Variants in JADE3 observed in about 807,000 individuals in gnomAD.
JADE3 encodes the protein protein Jade-3.
A neutral mutation model predicts 50.1 loss-of-function variants in JADE3; 2 were observed. The observed-to-expected ratio is 0.04, with a 90% confidence interval of 0.02 to 0.13. The LOEUF (loss-of-function observed/expected upper bound fraction) is 0.13, where lower values mean the gene tolerates loss of function less well. JADE3 is among the 10% of genes least tolerant of loss of function. JADE3 has a pLI of 1.00. For synonymous variants in JADE3, 218 were observed against 232.9 expected (o/e 0.94, Z 0.58); for missense variants, 475 against 634.4 (o/e 0.75, Z 2.70).
At chrX:47,049,792 C>T (rs1455096440) in intron 8 of JADE3, among the ~76,000 whole-genome samples, 9 of 82,690 alleles carry the variant, frequency 1.1e-4, no homozygotes, top group Admixed American at 2.9e-4. Context: ...GAGGGAGTCT[C>T]GCCCTGTCGT....
Position 47,024,841 on chromosome X carries a change from T to C in JADE3, c.402T>C (p.Ser134=). The C allele has an allele frequency of 8.3e-7, 1 of 1,201,195 alleles. No homozygotes were observed. The highest frequency in any genetic ancestry group is 1.1e-6 in the Non-Finnish European group (1 of 885,877). The part of the protein sequence containing the change: ...GYINIMELAA[S]VCRYDLDDMD... ...TCAACATCATGGAGTTGGCAGCATC[T>C]GTTTGCCGCTATGACCTAGATGACA... The change falls in exon 5 of 11, where the codon TCT becomes TCC. Residue 134 remains serine, a synonymous_variant. Transcript: ENST00000614628.
intron 3 of JADE3, among the ~76,000 whole-genome samples, chrX:46,991,247 G>A (rs1223340552): frequency 9.4e-6 from 1 of 106,910 alleles, no homozygotes; most frequent in African/African-American, 3.4e-5. Flanking sequence ...ACCATGCCTG[G>A]CTAATTTTGT....
chrX:46,949,781 T>A (rs1926963812), intron 1 of JADE3, among the ~76,000 whole-genome samples: 1 of 111,961 alleles, frequency 8.9e-6, no homozygotes, highest in Non-Finnish European at 1.9e-5. Flanking sequence ...CACCATATAG[T>A]TTTTCCTATG....
At chrX:46,997,487 C>T (rs1279773168) in intron 3 of JADE3, among the ~76,000 whole-genome samples, 1 of 111,843 alleles carries the variant, frequency 8.9e-6, no homozygotes, top group Admixed American at 9.5e-5. Flanking sequence ...TATCGCACTC[C>T]AGCCTAGGTA....
chrX:47,002,452 A>C (rs1324325097), intron 4 of JADE3, among the ~76,000 whole-genome samples: 2 of 111,464 alleles, frequency 1.8e-5, no homozygotes, highest in East Asian at 5.5e-4. Flanking sequence ...GGATTATATT[A>C]AACCTTTATC....
At chrX:46,979,032 C>T (rs782581020) in intron 1 of JADE3, among the ~76,000 whole-genome samples, 1 of 112,195 alleles carries the variant, frequency 8.9e-6, no homozygotes, top group South Asian at 3.7e-4. Context: ...GGACTTTAAA[C>T]AGCCCATACC....
chrX:46,922,599 T>A (rs1926246899), intron 1 of JADE3, among the ~76,000 whole-genome samples: 1 of 111,143 alleles, frequency 9.0e-6, no homozygotes, highest in Admixed American at 9.6e-5. Context: ...TCAAGCTCAC[T>A]GAGTCTTTCC....
At chrX:47,048,314 CT>C (rs34469386) in intron 8 of JADE3, among the ~76,000 whole-genome samples, 2 of 110,280 alleles carry the variant, frequency 1.8e-5, no homozygotes, top group African/African-American at 6.6e-5. Flanking sequence ...AACAGCCAAA[CT>C]TTTTTTTTAG....
intron 1 of JADE3, among the ~76,000 whole-genome samples, chrX:46,924,442 C>G (rs1392473303): frequency 2.7e-5 from 3 of 112,281 alleles, no homozygotes; most frequent in African/African-American, 9.7e-5. Context: ...GACCTCAGTT[C>G]TGTCATATTG....
chrX:46,961,628 T>C (rs1189080439), intron 1 of JADE3, among the ~76,000 whole-genome samples: 1 of 111,903 alleles, frequency 8.9e-6, no homozygotes, highest in African/African-American at 3.2e-5. Flanking sequence ...GACTGTGCAA[T>C]AATTTTCTTT....
chrX:47,044,967 A>T (rs1365951770), intron 8 of JADE3, among the ~76,000 whole-genome samples: 1 of 111,999 alleles, frequency 8.9e-6, no homozygotes, highest in Non-Finnish European at 1.9e-5. Flanking sequence ...AAGTTAAGAC[A>T]TACCACCTGA....
At chrX:46,912,313 G>A (rs1329912533), upstream of JADE3, 5 of 112,308 alleles carry the variant, frequency 4.5e-5, no homozygotes, top group Non-Finnish European at 9.4e-5. Flanking sequence ...AAGAACGCGC[G>A]GCGGGCAGAC....
At chrX:46,976,270 A>G (rs1487122840) in intron 1 of JADE3, among the ~76,000 whole-genome samples, 1 of 111,569 alleles carries the variant, frequency 9.0e-6, no homozygotes, top group East Asian at 2.8e-4. Flanking sequence ...CTTCCGTGGG[A>G]ATATTAATGG....
intron 1 of JADE3, among the ~76,000 whole-genome samples, chrX:46,932,125 A>T (rs985864603): frequency 8.9e-6 from 1 of 112,496 alleles, no homozygotes; most frequent in East Asian, 2.8e-4. Flanking sequence ...CTTAGTTACA[A>T]AATAACTAGT....
At chrX:46,936,456 T>C (rs1926626945) in intron 1 of JADE3, among the ~76,000 whole-genome samples, 1 of 111,816 alleles carries the variant, frequency 8.9e-6, no homozygotes, top group Non-Finnish European at 1.9e-5. Flanking sequence ...TCTCTTTTTG[T>C]ATGTATTGTC....
At chrX:46,953,205 C>T (rs1477460463) in intron 1 of JADE3, among the ~76,000 whole-genome samples, 2 of 89,419 alleles carry the variant, frequency 2.2e-5, no homozygotes, top group African/African-American at 4.1e-5. Flanking sequence ...GGATTCCCCC[C>T]CCACCGCCCC....
intron 1 of JADE3, among the ~76,000 whole-genome samples, chrX:46,924,971 C>CACT (rs1460727659): frequency 2.7e-5 from 3 of 111,893 alleles, no homozygotes; most frequent in Non-Finnish European, 5.6e-5. Flanking sequence ...ATGAGTGAGG[C>CACT]ACTAGGTATT....
intron 1 of JADE3, among the ~76,000 whole-genome samples, chrX:46,980,055 T>C (rs1361107133): frequency 9.2e-6 from 1 of 108,339 alleles, no homozygotes; most frequent in Non-Finnish European, 1.9e-5. Context: ...AATTTTTGTA[T>C]TTTTAGTACA....
intron 1 of JADE3, among the ~76,000 whole-genome samples, chrX:46,963,223 C>G (rs929739496): frequency 2.7e-5 from 3 of 111,944 alleles, no homozygotes; most frequent in African/African-American, 9.8e-5. Context: ...GCCTTGGCAT[C>G]AGACAGGATT....
Sources: allele counts gnomAD v4.1 joint callset (sites outside exome capture counted in the v4.1 genomes callset), GRCh38; gene constraint gnomAD v4.1.1; transcripts MANE v1.5; gene names NCBI Gene and HGNC (gene_info 2026-07-23, HGNC 2026-07-21).